The following PEAK1 variants were observed in gnomAD, a reference collection of about 807,000 sequenced individuals.
PEAK1 encodes inactive tyrosine-protein kinase PEAK1.
Under a neutral mutation model 124.7 loss-of-function variants are expected in PEAK1, and 54 were observed. The observed-to-expected ratio is 0.43, with a 90% CI of 0.35 to 0.54. The LOEUF (loss-of-function observed/expected upper bound fraction) is 0.54. PEAK1 is among the 20% of genes least tolerant of loss of function. The pLI, the probability that PEAK1 is intolerant of heterozygous loss-of-function variation, is 0.01. For synonymous variants in PEAK1, 719 were observed against 760.0 expected, an observed-to-expected ratio of 0.95 and a Z score of 0.89; for missense variants, 2,046 against 2,134.5, an observed-to-expected ratio of 0.96 and a Z score of 0.82.
chr15:77,167,090 C>T (rs1356322568), intron 7 of PEAK1, among the ~76,000 whole-genome samples: 1 of 152,154 alleles, frequency 6.6e-6, no homozygotes, highest in Non-Finnish European at 1.5e-5. Flanking sequence ...CACTGCCTTC[C>T]TCCTCCAGAA....
At chr15:77,259,640 C>T (rs1348485562) in intron 5 of PEAK1, among the ~76,000 whole-genome samples, 2 of 152,172 alleles carry the variant, frequency 1.3e-5, no homozygotes, top group Non-Finnish European at 2.9e-5. Context: ...AGGGATTAAA[C>T]AGTTCCAGGA....
chr15:77,401,212 A>T (rs1488031712), intron 1 of PEAK1, among the ~76,000 whole-genome samples: 1 of 152,210 alleles, frequency 6.6e-6, no homozygotes, highest in East Asian at 1.9e-4. Flanking sequence ...CATTTATAAT[A>T]AATGTGTCTT....
At chr15:77,249,288 T>C (rs2060734643) in intron 6 of PEAK1, among the ~76,000 whole-genome samples, 1 of 152,178 alleles carries the variant, frequency 6.6e-6, no homozygotes, top group Admixed American at 6.5e-5. Context: ...TTATTCTTTG[T>C]CTGTAAGAAT....
intron 9 of PEAK1, among the ~76,000 whole-genome samples, chr15:77,122,724 T>C (rs991329882): frequency 2.0e-5 from 3 of 152,158 alleles, no homozygotes; most frequent in Admixed American, 6.6e-5. Context: ...AGGATGGCCA[T>C]GAGTATGTGT....
chr15:77,404,736 T>C, intron 1 of PEAK1: 1 of 949,444 alleles, frequency 1.1e-6, no homozygotes, highest in Non-Finnish European at 1.3e-6. Flanking sequence ...GATTTATTAA[T>C]GATAAAGTCT....
At chr15:77,294,229 A>G (rs1420066610) in intron 2 of PEAK1, among the ~76,000 whole-genome samples, 2 of 152,184 alleles carry the variant, frequency 1.3e-5, no homozygotes, top group Non-Finnish European at 2.9e-5. Flanking sequence ...TACCTAGAAC[A>G]CACAGGTACT....
At chr15:77,135,782 T>G (rs1238720577) in intron 8 of PEAK1, among the ~76,000 whole-genome samples, 1 of 152,214 alleles carries the variant, frequency 6.6e-6, no homozygotes, top group Non-Finnish European at 1.5e-5. Flanking sequence ...ACGATGTGAC[T>G]TGCTCCTCCT....
At chr15:77,242,908 T>C (rs904768309) in intron 6 of PEAK1, among the ~76,000 whole-genome samples, 2 of 152,248 alleles carry the variant, frequency 1.3e-5, no homozygotes, top group Non-Finnish European at 2.9e-5. Context: ...TATTGTGCCT[T>C]ACTCTACTTA....
chr15:77,301,101 T>G (rs1057507835), intron 2 of PEAK1, among the ~76,000 whole-genome samples: 3 of 152,070 alleles, frequency 2.0e-5, no homozygotes, highest in African/African-American at 7.2e-5. Flanking sequence ...GATCAGAAAT[T>G]TATTTATTTT....
At chr15:77,131,971 T>TG (rs2052899500) in intron 9 of PEAK1, among the ~76,000 whole-genome samples, 1 of 151,336 alleles carries the variant, frequency 6.6e-6, no homozygotes, top group African/African-American at 2.4e-5. Context: ...CAGTGAGCTA[T>TG]GATCATGCCA....
intron 9 of PEAK1, among the ~76,000 whole-genome samples, chr15:77,119,050 G>GTGCAGCAGGGGAACAAAAC (rs60141467): frequency 6.6e-6 from 1 of 151,346 alleles, no homozygotes; most frequent in African/African-American, 2.4e-5. Context: ...AAACCAGGCT[G>GTGCAGCAGGGGAACAAAAC]CTGAAGGTTG....
In PEAK1 at chr15:77,133,166, C is replaced by T. The variant is rs747243897; in HGVS notation, c.3916G>A (p.Glu1306Lys). The T allele has an allele frequency of 1.1e-5, 18 of 1,614,080 alleles. No individual in the cohort carries two copies. Among genetic ancestry groups the T allele is most frequent in the South Asian group, 2.2e-5 (2 of 91,086 alleles). The part of the protein sequence containing the change: ...DALKKLAVKC[E>K]DLFMAGQKDQ... ...TTCTGCCCAGCCATGAAAAGGTCTTCGCATTTAACAGCCAGTTTCTTCAAG... is the reference window on the plus strand; with the variant it reads ...TTCTGCCCAGCCATGAAAAGGTCTTTGCATTTAACAGCCAGTTTCTTCAAG... Residue 1306 changes from glutamate (E) to lysine (K), a missense_variant, in exon 9 of 10, where the codon GAA becomes AAA. Physicochemically the swap from Glu to Lys is moderately conservative, Grantham distance 56 (BLOSUM62 1). Coordinates refer to ENST00000682557, the MANE Select transcript of PEAK1 (RefSeq NM_001385026.1). The surrounding 1 kb of genome is among the most constrained non-coding windows in gnomAD (Gnocchi z 4.2).
chr15:77,321,756 C>T (rs1353614819), intron 2 of PEAK1, among the ~76,000 whole-genome samples: 5 of 152,080 alleles, frequency 3.3e-5, no homozygotes, highest in African/African-American at 1.2e-4. Context: ...AATGGTATTG[C>T]CTAGGTTTTC....
intron 8 of PEAK1, among the ~76,000 whole-genome samples, chr15:77,140,072 T>C (rs2053651325): frequency 6.6e-6 from 1 of 152,134 alleles, no homozygotes; most frequent in Non-Finnish European, 1.5e-5. Context: ...TAGATATCTA[T>C]AATAAGGAAA....
intron 8 of PEAK1, chr15:77,155,543 TGGA>T (rs970306672): frequency 6.6e-6 from 1 of 152,268 alleles, no homozygotes; most frequent in Non-Finnish European, 1.5e-5. Flanking sequence ...TGTGTTCCTT[TGGA>T]GGAGGAGAGT....
chr15:77,265,277 C>T (rs2061662227), intron 5 of PEAK1, among the ~76,000 whole-genome samples: 2 of 152,092 alleles, frequency 1.3e-5, no homozygotes, highest in Admixed American at 1.3e-4. Context: ...AACTAAAGAG[C>T]TTCTGCACAG....
At chr15:77,275,450 G>A (rs1172616991) in intron 5 of PEAK1, among the ~76,000 whole-genome samples, 1 of 152,152 alleles carries the variant, frequency 6.6e-6, no homozygotes, top group Non-Finnish European at 1.5e-5. Flanking sequence ...GGGCATGGTG[G>A]CTCATGCCTA....
At chr15:77,126,213 CT>C (rs1201554921) in intron 9 of PEAK1, among the ~76,000 whole-genome samples, 1 of 152,162 alleles carries the variant, frequency 6.6e-6, no homozygotes, top group Non-Finnish European at 1.5e-5. Context: ...TATTAGTATT[CT>C]GCTACTTTCA....
intron 8 of PEAK1, among the ~76,000 whole-genome samples, chr15:77,147,964 G>C (rs966244353): frequency 2.6e-5 from 4 of 152,158 alleles, no homozygotes; most frequent in African/African-American, 9.7e-5. Context: ...TGAGACTGAG[G>C]AAGTGAATTT....
Sources: gnomAD v4.1 joint callset for allele counts (sites outside exome capture counted in the v4.1 genomes callset) on GRCh38, gnomAD v4.1.1 for gene constraint, Gnocchi (gnomAD v3.1) non-coding constraint, MANE v1.5 for transcripts, NCBI Gene and HGNC (gene_info 2026-07-23, HGNC 2026-07-21) for gene names.